Variants in DHX36 observed in about 807,000 individuals in gnomAD.
The protein encoded by DHX36 is ATP-dependent DNA/RNA helicase DHX36.
Under a neutral mutation model 139.0 loss-of-function variants are expected in DHX36, and 50 were observed. The ratio of observed to expected loss-of-function variants is 0.36; its 90% CI spans 0.29 to 0.46. The LOEUF is 0.46. Among genes scored for constraint, DHX36 ranks in the 20% least tolerant of loss-of-function variants. The probability of loss-of-function intolerance (pLI) is 1.00; values close to 1 mark genes in which losing one functional copy is unlikely to be tolerated. For missense variants in DHX36, 1,024 were observed against 1,211.3 expected (o/e 0.85, Z 2.29); for synonymous variants, 425 against 401.9 (o/e 1.06, Z -0.69).
chr3:154,306,082 G>A (rs373142833), intron 6 of DHX36, 134 bp downstream of exon 6: 45 of 621,132 alleles, frequency 7.2e-5, no homozygotes, highest in African/African-American at 3.3e-4. Flanking sequence ...AGTCATCTAC[G>A]CTGCAGTTAC....
intron 5 of DHX36, among the ~76,000 whole-genome samples, chr3:154,309,229 T>TA (rs998790893): frequency 0.012 from 1,769 of 143,516 alleles, 24 homozygotes; most frequent in African/African-American, 0.042. Flanking sequence ...AAATGCAGCT[T>TA]AAAAAAAAAA....
chr3:154,289,620 T>C (rs1711702318), intron 16 of DHX36, 89 bp downstream of exon 16: 1 of 775,246 alleles, frequency 1.3e-6, no homozygotes, highest in Non-Finnish European at 2.2e-6. Context: ...TAATTGTTTC[T>C]TGGAGATTAA....
chr3:154,283,608 T>C lies in DHX36; in HGVS notation c.2293-337A>G, dbSNP rs545511377. Among the ~76,000 whole-genome samples, 26 of 152,106 alleles carry C rather than the reference T, an allele frequency of 1.7e-4. No individual in the cohort carries two copies. In the South Asian group the frequency reaches 5.4e-3, roughly 31 times the overall value. On this transcript the variant is annotated intron_variant, in intron 19 of 24. Transcript: ENST00000496811. ...TTAAACTGACTTAAATGCTATTATA[T>C]ATTTTCAAATTCACAGATTTTCTTT...
intron 22 of DHX36, chr3:154,280,374 T>C (rs1719294451): frequency 2.0e-6 from 1 of 509,624 alleles, no homozygotes; most frequent in Admixed American, 3.6e-5. Flanking sequence ...TAATGGGTTA[T>C]CAAAGAGGTG....
At chr3:154,286,636 A>C (rs1711561260) in intron 17 of DHX36, among the ~76,000 whole-genome samples, 1 of 152,000 alleles carries the variant, frequency 6.6e-6, no homozygotes, top group African/African-American at 2.4e-5. Context: ...ATACCCAAAT[A>C]AACAGAGGAA....
chr3:154,299,192 G>C (rs1039139139), intron 12 of DHX36, among the ~76,000 whole-genome samples: 1 of 152,050 alleles, frequency 6.6e-6, no homozygotes, highest in Non-Finnish European at 1.5e-5. Context: ...AGAACTGCTT[G>C]AACAAAGGAG....
In DHX36 at chr3:154,324,297, G is replaced by A. The variant is rs1309702853; in HGVS notation, c.120C>T (p.Gly40=). The A allele has an allele frequency of 8.1e-6, 13 of 1,609,138 alleles. No individual in the cohort carries two copies. Among genetic ancestry groups the A allele is most frequent in the African/African-American group, 1.4e-5 (1 of 73,964 alleles). ...CGCCTCGACCACCCCCTCCGCCGCC[G>A]CCGCCTCCTCCGGAGCCTCGGTTAC... The part of the protein sequence containing the change: ...HGGNRGSGGG[G]GGGGGGRGGR... The change falls in exon 1 of 25, where the codon GGC becomes GGT. Residue 40 remains glycine (G), a synonymous_variant. Transcript: ENST00000496811.
At position 154,315,218 on chromosome 3, in the gene DHX36, T is replaced by A. The variant is rs1221856437; in HGVS notation, c.431A>T (p.Glu144Val). ...PCSENKLDIQ[E>V]KKLINQEKKM... Reference sequence around the variant, plus strand: ...TTTTTCTTGATTTATCAACTTCTTTTCCTGGATGTCAAGTTTGTTCTCTGA... The same window carrying A: ...TTTTTCTTGATTTATCAACTTCTTTACCTGGATGTCAAGTTTGTTCTCTGA... The change falls in exon 3 of 25, where the codon GAA becomes GTA. Residue 144 changes from glutamate to valine, a missense_variant. Physicochemically the swap from Glu to Val is moderately radical, Grantham distance 121 (BLOSUM62 -2). Around this residue, in one of 4 missense-constraint regions of DHX36, gnomAD observed 293 missense variants for 274.4 expected, o/e 1.07. Coordinates refer to ENST00000496811, the MANE Select transcript of DHX36 (RefSeq NM_020865.3). 1 of 1,613,480 alleles carries A rather than the reference T, an allele frequency of 6.2e-7. No homozygotes were observed. Among genetic ancestry groups the A allele is most frequent in the Non-Finnish European group, 8.5e-7 (1 of 1,179,704 alleles).
rs760584736 is a variant in DHX36 at position 154,277,631 on chromosome 3, C to A, written c.2655G>T (p.Trp885Cys). ...NVEQTDFHYNWLIYHLKMRTS... is the reference protein window; with the variant it reads ...NVEQTDFHYNCLIYHLKMRTS... ...TTCTCATCTTTAGGTGATAGATAAG[C>A]CAGTTGTAGTGAAAGTCTGTTTGCT... Residue 885 changes from tryptophan to cysteine, a missense_variant, in exon 23 of 25, where the codon TGG becomes TGT. Transcript: ENST00000496811. 1.2e-6 allele frequency: 2 copies of A among 1,611,694 alleles called. No homozygotes were observed. Among genetic ancestry groups the A allele is most frequent in the South Asian group, 2.2e-5 (2 of 90,782 alleles).
At chr3:154,310,055 T>C (rs1342840271) in intron 4 of DHX36, among the ~76,000 whole-genome samples, 1 of 152,070 alleles carries the variant, frequency 6.6e-6, no homozygotes, top group Non-Finnish European at 1.5e-5. Context: ...GAAAAACATA[T>C]TGACATAAAC....
intron 1 of DHX36, among the ~76,000 whole-genome samples, chr3:154,323,073 G>A (rs1425476703): frequency 6.6e-6 from 1 of 152,196 alleles, no homozygotes; most frequent in Non-Finnish European, 1.5e-5. Flanking sequence ...GGTGGCTCAC[G>A]CCTGTAATCC....
At chr3:154,278,473 C>A (rs902751414) in intron 22 of DHX36, 1 of 150,444 alleles carries the variant, frequency 6.6e-6, no homozygotes, top group Non-Finnish European at 1.5e-5. Flanking sequence ...GTGTCTCTTT[C>A]GAAGTTTTTT....
chr3:154,302,374 T>C (rs1341495297), intron 9 of DHX36, among the ~76,000 whole-genome samples: 1 of 152,184 alleles, frequency 6.6e-6, no homozygotes, highest in African/African-American at 2.4e-5. Flanking sequence ...GTCAGAAAAC[T>C]AAGTGGAGGA....
At chr3:154,277,474 C>T in intron 23 of DHX36, 124 bp downstream of exon 23, 1 of 830,630 alleles carries the variant, frequency 1.2e-6, no homozygotes, top group Non-Finnish European at 1.7e-6. Flanking sequence ...GAAAAAGTTA[C>T]TCACGTCACA....
chr3:154,293,477 G>A (rs544924615), intron 14 of DHX36, among the ~76,000 whole-genome samples: 1 of 152,262 alleles, frequency 6.6e-6, no homozygotes, highest in South Asian at 2.1e-4. Flanking sequence ...AGCTACTTGG[G>A]AGGCTGAGGT....
At chr3:154,304,740 C>T in intron 8 of DHX36, 66 bp downstream of exon 8, 2 of 1,206,554 alleles carry the variant, frequency 1.7e-6, no homozygotes, top group Non-Finnish European at 2.3e-6. Flanking sequence ...TACCTAGTAC[C>T]ATATTAATTT....
At position 154,272,570 on chromosome 3, in the gene DHX36, A is replaced by G. The variant is rs1242979140; in HGVS notation, c.*3601T>C. On this transcript the variant is annotated 3_prime_UTR_variant, in exon 25 of 25. Coordinates refer to ENST00000496811, the MANE Select transcript of DHX36 (RefSeq NM_020865.3). ...CTTAAATTGGTTAATTTTATTGTATATAATATCTTAAAATTTATTATATAT... is the reference window on the plus strand; with the variant it reads ...CTTAAATTGGTTAATTTTATTGTATGTAATATCTTAAAATTTATTATATAT... 1 of 151,114 alleles carries G rather than the reference A, an allele frequency of 6.6e-6. No homozygotes were observed. Among genetic ancestry groups the G allele is most frequent in the Admixed American group, 6.6e-5 (1 of 15,138 alleles). The allele number at this position is 151,114 out of a possible 1,614,324, so 9.4% of individuals were successfully genotyped here.
At chr3:154,291,134 C>CAAAAA (rs71152798) in intron 15 of DHX36, among the ~76,000 whole-genome samples, 27 of 61,048 alleles carry the variant, frequency 4.4e-4, no homozygotes, top group African/African-American at 1.2e-3. Context: ...GACTCCGTCT[C>CAAAAA]AAAAAAAAAA....
At chr3:154,283,907 CAT>C (rs1719417612) in intron 19 of DHX36, among the ~76,000 whole-genome samples, 2 of 152,070 alleles carry the variant, frequency 1.3e-5, no homozygotes, top group Admixed American at 6.6e-5. Flanking sequence ...TCCTCTATTA[CAT>C]GTTAAATCTG....
Sources: gnomAD v4.1 joint callset for allele counts (sites outside exome capture counted in the v4.1 genomes callset) on GRCh38, gnomAD v4.1.1 for gene constraint, gnomAD v4.1.1 regional missense constraint, MANE v1.5 for transcripts, NCBI Gene and HGNC (gene_info 2026-07-23, HGNC 2026-07-21) for gene names.